The following FAM171A1 variants were observed in gnomAD, a reference collection of about 807,000 sequenced individuals.
FAM171A1 encodes the protein family with sequence similarity 171 member A1.
Under a neutral mutation model 74.9 loss-of-function variants are expected in FAM171A1, and 23 were observed. The observed-to-expected ratio is 0.31, with a 90% CI of 0.22 to 0.44. FAM171A1 has a LOEUF of 0.44. Ranked by LOEUF, FAM171A1 falls within the 20% of genes least tolerant of loss-of-function variation. FAM171A1 has a pLI of 1.00. For synonymous variants in FAM171A1, 527 were observed against 505.7 expected, an observed-to-expected ratio of 1.04 and a Z score of -0.57; for missense variants, 1,162 against 1,159.2, an observed-to-expected ratio of 1.00 and a Z score of -0.03.
intron 1 of FAM171A1, among the ~76,000 whole-genome samples, chr10:15,312,670 TGTG>T (rs1292998152): frequency 3.4e-5 from 3 of 89,028 alleles, no homozygotes; most frequent in African/African-American, 1.1e-4. Context: ...TTCAGCACTG[TGTG>T]TTTTTTTTTT....
At chr10:15,220,394 T>G (rs1332858368) in intron 6 of FAM171A1, among the ~76,000 whole-genome samples, 2 of 151,926 alleles carry the variant, frequency 1.3e-5, no homozygotes, top group Non-Finnish European at 2.9e-5. Flanking sequence ...AGAATATTTT[T>G]GGGGGTAACA....
rs535833683 is a variant in FAM171A1, at chr10:15,212,049, A to G, written c.*866T>C. The G allele has an allele frequency of 6.5e-6, 1 of 152,794 alleles. No individual in the cohort carries two copies. The highest frequency in any genetic ancestry group is 2.4e-5 in the African/African-American group (1 of 41,588). 9.5% of individuals were successfully genotyped at this position (152,794 alleles called of 1,614,324 possible). A position where few individuals can be genotyped will look rare whatever the true frequency, so the allele number is the denominator to read the frequency against. ...CCCCAAATGGCACTTGGCAGCATGC[A>G]GTTTAAAGCAAAAGAGACATCCTTT... On this transcript the variant is annotated 3_prime_UTR_variant, in exon 8 of 8. Coordinates refer to ENST00000378116, the MANE Select transcript of FAM171A1 (RefSeq NM_001010924.2).
intron 2 of FAM171A1, among the ~76,000 whole-genome samples, chr10:15,279,628 G>C (rs1050684787): frequency 3.2e-4 from 49 of 152,190 alleles, no homozygotes; most frequent in African/African-American, 1.2e-3. Flanking sequence ...TGGGATAAAA[G>C]AAGTTTGCCG....
intron 1 of FAM171A1, among the ~76,000 whole-genome samples, chr10:15,369,495 T>C (rs1341296788): frequency 6.6e-6 from 1 of 152,162 alleles, no homozygotes; most frequent in African/African-American, 2.4e-5. Flanking sequence ...TTTTGTATTT[T>C]GTAGCTGTCC....
At chr10:15,372,067 G>C (rs1327451184), upstream of FAM171A1, among the ~76,000 whole-genome samples, 1 of 152,180 alleles carries the variant, frequency 6.6e-6, no homozygotes, top group African/African-American at 2.4e-5. Context: ...GGACAGGGCG[G>C]ATGGGGAAGC....
intron 4 of FAM171A1, among the ~76,000 whole-genome samples, chr10:15,253,574 T>C (rs369146566): frequency 3.9e-5 from 6 of 152,192 alleles, no homozygotes; most frequent in East Asian, 1.9e-4. Context: ...CAGAAACTTA[T>C]TAATATGCTA....
At chr10:15,263,325 A>C (rs1834686330) in intron 3 of FAM171A1, among the ~76,000 whole-genome samples, 1 of 152,194 alleles carries the variant, frequency 6.6e-6, no homozygotes, top group Non-Finnish European at 1.5e-5. Flanking sequence ...CCCTTACCAG[A>C]AATAATCTGG....
At position 15,315,629 on chromosome 10, in the gene FAM171A1, C is replaced by G. The variant is rs139792424; in HGVS notation, c.98-31524G>C. Among the ~76,000 whole-genome samples, 830 of 152,310 alleles carry G rather than the reference C, an allele frequency of 5.4e-3. 6 individuals are homozygous for G. Among genetic ancestry groups the G allele is most frequent in the African/African-American group, 0.019 (772 of 41,548 alleles). ...TGTTCACAAAGGTCTCAGCAAATCT[C>G]TTCAACCCAAAGAATTTACTCTATT... On this transcript the variant is annotated intron_variant, in intron 1 of 7. Coordinates refer to ENST00000378116, the MANE Select transcript of FAM171A1 (RefSeq NM_001010924.2).
chr10:15,256,122 C>A (rs1329164179), intron 3 of FAM171A1, among the ~76,000 whole-genome samples: 1 of 152,198 alleles, frequency 6.6e-6, no homozygotes, highest in Non-Finnish European at 1.5e-5. Flanking sequence ...CTGTGCTTTG[C>A]TGAGGGTTCC....
rs1425103250 is a variant in FAM171A1 at position 15,304,893 on chromosome 10, C to T, written c.98-20788G>A. ...CTGGGATTCCAGGCATGCGCCACCA[C>T]GTCTGGCTAATTTTTGTATTTAACA... is the stretch of plus-strand genomic sequence containing the variant. On this transcript the variant is annotated intron_variant, in intron 1 of 7. Coordinates refer to ENST00000378116, the MANE Select transcript of FAM171A1 (RefSeq NM_001010924.2). Among the ~76,000 whole-genome samples, 5 of 152,300 alleles carry T rather than the reference C, an allele frequency of 3.3e-5. No homozygotes were observed. The South Asian group carries it at 6.2e-4, about 19-fold the overall frequency.
chr10:15,313,864 C>T (rs1419759287), intron 1 of FAM171A1, among the ~76,000 whole-genome samples: 1 of 152,198 alleles, frequency 6.6e-6, no homozygotes, highest in Non-Finnish European at 1.5e-5. Flanking sequence ...CCACCTTCCC[C>T]AACCGAGGGT....
chr10:15,306,369 C>CTT (rs879453444), intron 1 of FAM171A1, among the ~76,000 whole-genome samples: 6 of 145,122 alleles, frequency 4.1e-5, no homozygotes, highest in African/African-American at 1.0e-4. Flanking sequence ...ATTAGCCATT[C>CTT]TTTTTTTTTT....
intron 3 of FAM171A1, among the ~76,000 whole-genome samples, chr10:15,275,333 C>G (rs936952782): frequency 1.3e-5 from 2 of 150,164 alleles, no homozygotes; most frequent in Non-Finnish European, 3.0e-5. Context: ...GTCACCCAGG[C>G]TGGAGTGCAG....
In FAM171A1 at chr10:15,262,705, C is replaced by T. The variant is rs114946553; in HGVS notation, c.419-7826G>A. On this transcript the variant is annotated intron_variant, in intron 3 of 7. Coordinates refer to ENST00000378116, the MANE Select transcript of FAM171A1 (RefSeq NM_001010924.2). ...GAAATAGGGCTTAAGAAGAGTTTTGCTTTGAATGGCAAAGCCTTCAGTGAT... is the reference window on the plus strand; with the variant it reads ...GAAATAGGGCTTAAGAAGAGTTTTGTTTTGAATGGCAAAGCCTTCAGTGAT... Among the ~76,000 whole-genome samples, 769 of 152,306 alleles carry T rather than the reference C, an allele frequency of 5.0e-3. 12 individuals are homozygous for T. Among genetic ancestry groups the T allele is most frequent in the African/African-American group, 0.018 (734 of 41,564 alleles).
intron 1 of FAM171A1, among the ~76,000 whole-genome samples, chr10:15,305,664 TAAAAAAAAA>T (rs59843893): frequency 0.038 from 2,034 of 52,976 alleles, 93 homozygotes; most frequent in African/African-American, 0.14. Flanking sequence ...GAGATCTGGC[TAAAAAAAAA>T]AAAAAAAAAA....
At chr10:15,289,771 C>A (rs1427661972) in intron 1 of FAM171A1, among the ~76,000 whole-genome samples, 2 of 152,336 alleles carry the variant, frequency 1.3e-5, no homozygotes, top group African/African-American at 2.4e-5. Context: ...TGTATACAGT[C>A]CATGAAAATT....
intron 5 of FAM171A1, among the ~76,000 whole-genome samples, chr10:15,242,326 CAT>C (rs1047186025): frequency 1.7e-4 from 26 of 152,106 alleles, no homozygotes; most frequent in Non-Finnish European, 3.4e-4. Flanking sequence ...AGTGAAAAAA[CAT>C]ATGGTTTCTT....
chr10:15,296,957 C>A (rs1269752956), intron 1 of FAM171A1, among the ~76,000 whole-genome samples: 1 of 152,168 alleles, frequency 6.6e-6, no homozygotes, highest in Non-Finnish European at 1.5e-5. Flanking sequence ...ACAGCTACAG[C>A]TTCAGTTTGA....
chr10:15,350,467 C>T (rs1835864615), intron 1 of FAM171A1, among the ~76,000 whole-genome samples: 1 of 151,776 alleles, frequency 6.6e-6, no homozygotes, highest in South Asian at 2.1e-4. Context: ...TCAGCCTCCC[C>T]AGTAGCTGGG....
Sources: gnomAD v4.1 joint callset for allele counts (sites outside exome capture counted in the v4.1 genomes callset) on GRCh38, gnomAD v4.1.1 for gene constraint, MANE v1.5 for transcripts, NCBI Gene and HGNC (gene_info 2026-07-23, HGNC 2026-07-21) for gene names.